Variants in AGPAT4 observed in about 807,000 individuals in gnomAD.
AGPAT4 encodes 1-acylglycerol-3-phosphate O-acyltransferase 4, also known as 1-acyl-sn-glycerol-3-phosphate acyltransferase delta.
In AGPAT4, 15 loss-of-function variants were observed where a neutral mutation model predicts 48.0. That is an observed-to-expected ratio of 0.31 (90% CI 0.21 to 0.48). AGPAT4 has a LOEUF of 0.48. AGPAT4 is among the 20% of genes least tolerant of loss of function. The pLI, the probability that AGPAT4 is intolerant of heterozygous loss-of-function variation, is 0.99. For missense variants in AGPAT4, 314 were observed against 482.5 expected (o/e 0.65, Z 3.27); for synonymous variants, 178 against 198.7 (o/e 0.90, Z 0.88).
Position 161,261,237 on chromosome 6 carries a change from C to G in AGPAT4, c.-90+12701G>C, listed in dbSNP as rs1414331066. ...CCTTCTCTATTAGCCATGAAGCTCA[C>G]TGTCACAGAATGTGGCCACTTACTG... On this transcript the variant is annotated intron_variant, in intron 1 of 8. Transcript: ENST00000320285. This position sits in a 1 kb window ranked among gnomAD's most constrained non-coding sequence, Gnocchi z 5.3. Among the ~76,000 whole-genome samples, 1 of 152,260 alleles carries G rather than the reference C, an allele frequency of 6.6e-6. No homozygotes were observed. Among genetic ancestry groups the G allele is most frequent in the African/African-American group, 2.4e-5 (1 of 41,472 alleles).
rs1008432417 is a variant in AGPAT4 at position 161,166,684 on chromosome 6, A to G, written c.179-267T>C. Among the ~76,000 whole-genome samples, 26 of 152,190 alleles carry G rather than the reference A, an allele frequency of 1.7e-4. No individual in the cohort carries two copies. Among genetic ancestry groups the G allele is most frequent in the Admixed American group, 1.4e-3 (21 of 15,284 alleles). ...ACTCCTTGATTAAGTATCTTGGGGG[A>G]AAATAAATCAGAAAGCCAGAATCCG... On this transcript the variant is annotated intron_variant, in intron 2 of 8. Transcript: ENST00000320285. This position sits in a 1 kb window ranked among gnomAD's most constrained non-coding sequence, Gnocchi z 6.7.
chr6:161,190,475 A>G (rs1438051995), intron 2 of AGPAT4, among the ~76,000 whole-genome samples: 2 of 152,164 alleles, frequency 1.3e-5, no homozygotes, highest in Non-Finnish European at 2.9e-5. Flanking sequence ...AAGAAAATAC[A>G]TAAAATACTA....
chr6:161,191,309 A>T lies in AGPAT4; in HGVS notation c.179-24892T>A, dbSNP rs188811925. On this transcript the variant is annotated intron_variant, in intron 2 of 8. Coordinates refer to ENST00000320285, the MANE Select transcript of AGPAT4 (RefSeq NM_020133.3). Reference sequence around the variant, plus strand: ...CACTTCACATCCCACACTCTAACCCACTGTGCTGTGCTGCAAATTAGGAAT... The same window carrying T: ...CACTTCACATCCCACACTCTAACCCTCTGTGCTGTGCTGCAAATTAGGAAT... Among the ~76,000 whole-genome samples the T allele has an allele frequency of 3.3e-5, 5 of 152,294 alleles. No homozygotes were observed. In the East Asian group the frequency reaches 9.6e-4, roughly 29 times the overall value.
At position 161,169,261 on chromosome 6, in the gene AGPAT4, T is replaced by C. The variant is rs1780199278; in HGVS notation, c.179-2844A>G. On this transcript the variant is annotated intron_variant, in intron 2 of 8. Coordinates refer to ENST00000320285, the MANE Select transcript of AGPAT4 (RefSeq NM_020133.3). The surrounding 1 kb of genome is among the most constrained non-coding windows in gnomAD (Gnocchi z 5.0). ...CACACACCAACATCCAATTTGCATC[T>C]GAAAAAAAAATCACTCTGATTGAAA... Among the ~76,000 whole-genome samples, 1 of 151,504 alleles carries C rather than the reference T, an allele frequency of 6.6e-6. No individual in the cohort carries two copies. The highest frequency in any genetic ancestry group is 2.1e-4 in the South Asian group (1 of 4,814).
At chr6:161,241,263 CAAAAAAA>C (rs61634719) in intron 1 of AGPAT4, among the ~76,000 whole-genome samples, 1 of 90,502 alleles carries the variant, frequency 1.1e-5, no homozygotes. Flanking sequence ...AACTCTGTCT[CAAAAAAA>C]AAAAAAAAAA....
Position 161,246,369 on chromosome 6 carries a change from T to C in AGPAT4, c.-89-14067A>G, listed in dbSNP as rs1218974228. On this transcript the variant is annotated intron_variant, in intron 1 of 8. Transcript: ENST00000320285. The surrounding 1 kb of genome is among the most constrained non-coding windows in gnomAD (Gnocchi z 5.5). The stretch of plus-strand genomic sequence containing the variant: ...ATTGATTCATATTTAAGTTCTACTA[T>C]ATACTAACATTGCATTAGACTTCTG... Among the ~76,000 whole-genome samples, 1 of 152,206 alleles carries C rather than the reference T, an allele frequency of 6.6e-6. No individual in the cohort carries two copies. The highest frequency in any genetic ancestry group is 2.4e-5 in the African/African-American group (1 of 41,452).
rs1414140316 is a variant in AGPAT4, at chr6:161,272,592, A to AT, written c.-90+1345dup. Among the ~76,000 whole-genome samples the AT allele has an allele frequency of 6.6e-6, 1 of 152,008 alleles. No individual in the cohort carries two copies. Among genetic ancestry groups the AT allele is most frequent in the Admixed American group, 6.6e-5 (1 of 15,252 alleles). Reference sequence around the variant, plus strand: ...GTAGATAATAATTTTCTCATTTCATATTTTTTCTGAATAACAGTTTTTCTC... The same window carrying AT: ...GTAGATAATAATTTTCTCATTTCATATTTTTTTCTGAATAACAGTTTTTCTC... On this transcript the variant is annotated intron_variant, in intron 1 of 8. Coordinates refer to ENST00000320285, the MANE Select transcript of AGPAT4 (RefSeq NM_020133.3). The surrounding 1 kb of genome is among the most constrained non-coding windows in gnomAD (Gnocchi z 4.2).
chr6:161,190,342 A>T (rs1780885747), intron 2 of AGPAT4, among the ~76,000 whole-genome samples: 1 of 152,316 alleles, frequency 6.6e-6, no homozygotes, highest in East Asian at 1.9e-4. Flanking sequence ...GTATATGGAA[A>T]CTATCTGTAC....
Position 161,244,890 on chromosome 6 carries a change from C to T in AGPAT4, c.-89-12588G>A, listed in dbSNP as rs1457537376. Reference sequence around the variant, plus strand: ...AGACAGATGGGCCAAAACCCCAGGCCTGGGGAGTCCCAGTGTCAGAGACAG... The same window carrying T: ...AGACAGATGGGCCAAAACCCCAGGCTTGGGGAGTCCCAGTGTCAGAGACAG... On this transcript the variant is annotated intron_variant, in intron 1 of 8. Coordinates refer to ENST00000320285, the MANE Select transcript of AGPAT4 (RefSeq NM_020133.3). The surrounding 1 kb of genome is among the most constrained non-coding windows in gnomAD (Gnocchi z 4.7). Among the ~76,000 whole-genome samples the T allele has an allele frequency of 6.6e-6, 1 of 152,186 alleles. No homozygotes were observed. The highest frequency in any genetic ancestry group is 2.4e-5 in the African/African-American group (1 of 41,452).
rs1265415673 is a variant in AGPAT4 at position 161,189,286 on chromosome 6, T to C, written c.179-22869A>G. On this transcript the variant is annotated intron_variant, in intron 2 of 8. Transcript: ENST00000320285. This position sits in a 1 kb window ranked among gnomAD's most constrained non-coding sequence, Gnocchi z 5.3. ...CTGCCTCCTCCCCATCTGGCTCTTG[T>C]GGTGAAGTCTAATGAGTGTGCCAAG... is the stretch of plus-strand genomic sequence containing the variant. 6.6e-6 allele frequency among the ~76,000 whole-genome samples: 1 copy of C among 152,038 alleles called. No individual in the cohort carries two copies. The highest frequency in any genetic ancestry group is 2.4e-5 in the African/African-American group (1 of 41,396).
At chr6:161,187,388 A>C (rs945622747) in intron 2 of AGPAT4, among the ~76,000 whole-genome samples, 3 of 152,196 alleles carry the variant, frequency 2.0e-5, no homozygotes, top group Non-Finnish European at 1.5e-5. Context: ...CATGGGTCTC[A>C]AGAAATATTG....
Position 161,272,752 on chromosome 6 carries a change from C to T in AGPAT4, c.-90+1186G>A, listed in dbSNP as rs757826478. ...CACACAAACACACACATTCTCCCTT[C>T]TCTCAAGATACTTTTTTTCCAACTG... On this transcript the variant is annotated intron_variant, in intron 1 of 8. Coordinates refer to ENST00000320285, the MANE Select transcript of AGPAT4 (RefSeq NM_020133.3). The surrounding 1 kb of genome is among the most constrained non-coding windows in gnomAD (Gnocchi z 4.2). Among the ~76,000 whole-genome samples the T allele has an allele frequency of 4.9e-4, 72 of 147,996 alleles. No homozygotes were observed. The highest frequency in any genetic ancestry group is 7.9e-4 in the Non-Finnish European group (54 of 67,976).
chr6:161,263,460 T>C (rs1274765392), intron 1 of AGPAT4, among the ~76,000 whole-genome samples: 1 of 152,110 alleles, frequency 6.6e-6, no homozygotes, highest in Non-Finnish European at 1.5e-5. Context: ...CACTGCACTC[T>C]GGCCTGGACA....
Position 161,149,099 on chromosome 6 carries a change from T to A in AGPAT4, c.767+88A>T. 1 of 1,497,300 alleles carries A rather than the reference T, an allele frequency of 6.7e-7. No individual in the cohort carries two copies. The highest frequency in any genetic ancestry group is 8.9e-7 in the Non-Finnish European group (1 of 1,122,148). The allele number at this position is 1,497,300 out of a possible 1,614,324, so 92.8% of individuals were successfully genotyped here. ...CAAAGAAGTCAGTGTGACCCAGGGA[T>A]CCCTGGAAGAAAGTCTCTAGGTCAT... On this transcript the variant is annotated intron_variant, in intron 6 of 8. Coordinates refer to ENST00000320285, the MANE Select transcript of AGPAT4 (RefSeq NM_020133.3). The surrounding 1 kb of genome is among the most constrained non-coding windows in gnomAD (Gnocchi z 6.5).
At chr6:161,241,376 T>G (rs1229787413) in intron 1 of AGPAT4, among the ~76,000 whole-genome samples, 1 of 152,160 alleles carries the variant, frequency 6.6e-6, no homozygotes, top group African/African-American at 2.4e-5. Context: ...GTACATGATG[T>G]CTGTTAAAAC....
chr6:161,165,817 T>C lies in AGPAT4; in HGVS notation c.348+431A>G, dbSNP rs1479072700. On this transcript the variant is annotated intron_variant, in intron 3 of 8. Coordinates refer to ENST00000320285, the MANE Select transcript of AGPAT4 (RefSeq NM_020133.3). The surrounding 1 kb of genome is among the most constrained non-coding windows in gnomAD (Gnocchi z 5.5). ...GTTCTTAAGCCTTCAACGATCAAAA[T>C]GCAGAGGTGATGTCTGCCTGTTAGC... 1.2e-5 allele frequency: 7 copies of C among 592,030 alleles called. No homozygotes were observed. The highest frequency in any genetic ancestry group is 7.4e-5 in the African/African-American group (4 of 54,390). 36.7% of individuals were successfully genotyped at this position (592,030 alleles called of 1,614,324 possible). A position where few individuals can be genotyped will look rare whatever the true frequency, so the allele number is the denominator to read the frequency against.
rs368001585 is a variant in AGPAT4 at position 161,161,257 on chromosome 6, G to A, written c.348+4991C>T. 322 of 456,748 alleles carry A rather than the reference G, an allele frequency of 7.0e-4. 8 individuals carry two copies. Among genetic ancestry groups the A allele is most frequent in the South Asian group, 4.8e-3 (310 of 64,564 alleles). 28.3% of individuals were successfully genotyped at this position (456,748 alleles called of 1,614,324 possible). The stretch of plus-strand genomic sequence containing the variant: ...CGTGGGACCGGACTTTTACAGATGA[G>A]CATGCGCTCCCACCTCCAGGATGGT... On this transcript the variant is annotated intron_variant, in intron 3 of 8. Transcript: ENST00000320285. This position sits in a 1 kb window ranked among gnomAD's most constrained non-coding sequence, Gnocchi z 4.6.
chr6:161,176,972 C>A (rs537013447), intron 2 of AGPAT4, among the ~76,000 whole-genome samples: 1 of 152,182 alleles, frequency 6.6e-6, no homozygotes, highest in African/African-American at 2.4e-5. Flanking sequence ...TATTGGCCCC[C>A]ACTCTCTTCT....
At position 161,232,357 on chromosome 6, in the gene AGPAT4, C is replaced by T; in HGVS notation, c.-89-55G>A. On this transcript the variant is annotated intron_variant, in intron 1 of 8. Transcript: ENST00000320285. The surrounding 1 kb of genome is among the most constrained non-coding windows in gnomAD (Gnocchi z 6.8). ...CAAAAACACGATGTGCTTTTAGAGT[C>T]AGAAAAAAAGTGCTCTGAAAAGAAA... The T allele has an allele frequency of 1.2e-6, 1 of 827,146 alleles. No individual in the cohort carries two copies. Among genetic ancestry groups the T allele is most frequent in the Non-Finnish European group, 1.8e-6 (1 of 550,242 alleles). 51.2% of individuals were successfully genotyped at this position (827,146 alleles called of 1,614,324 possible).
Sources: allele counts gnomAD v4.1 joint callset (sites outside exome capture counted in the v4.1 genomes callset), GRCh38; gene constraint gnomAD v4.1.1; non-coding constraint Gnocchi (gnomAD v3.1); transcripts MANE v1.5; gene names NCBI Gene and HGNC (gene_info 2026-07-23, HGNC 2026-07-21).